Variants in DIPK2B observed in about 807,000 individuals in gnomAD.
DIPK2B encodes the protein divergent protein kinase domain 2B.
Under a neutral mutation model 22.2 loss-of-function variants are expected in DIPK2B, and 15 were observed. That is an observed-to-expected ratio of 0.68 (90% CI 0.45 to 1.04). The LOEUF is 1.04. DIPK2B is among the 50% of genes least tolerant of loss of function. DIPK2B has a pLI of 0.00. For synonymous variants in DIPK2B, 163 were observed against 153.2 expected, an observed-to-expected ratio of 1.06 and a Z score of -0.47; for missense variants, 345 against 348.3, an observed-to-expected ratio of 0.99 and a Z score of 0.08.
chrX:45,177,288 C>T (rs1285610007), intron 2 of DIPK2B, among the ~76,000 whole-genome samples: 1 of 107,303 alleles, frequency 9.3e-6, no homozygotes, highest in Non-Finnish European at 1.9e-5. Context: ...TCTTGGGTGA[C>T]AGAGCAAAAC....
In DIPK2B at chrX:45,153,555, A is replaced by AAG. The variant is rs1371925535; in HGVS notation, c.961+353_961+354dup. Among the ~76,000 whole-genome samples, 13 of 32,477 alleles carry AAG rather than the reference A, an allele frequency of 4.0e-4. No individual in the cohort carries two copies. In the South Asian group the frequency reaches 7.0e-3, roughly 17 times the overall value. The allele number at this position is 32,477 out of a possible 115,157, so 28.2% of individuals were successfully genotyped here. A position where few individuals can be genotyped will look rare whatever the true frequency, so the allele number is the denominator to read the frequency against. On this transcript the variant is annotated intron_variant, in intron 4 of 4. Transcript: ENST00000398000. ...GAGAGGAGAGAGAGAGAGAGTGAGA[A>AAG]AGAGAGAGAGAGAGAGAGAAAGGAG...
chrX:45,196,144 C>T (rs4335267), intron 1 of DIPK2B, among the ~76,000 whole-genome samples: 41,406 of 111,019 alleles, frequency 0.37, 5,466 homozygotes, highest in Admixed American at 0.51. Context: ...TAGTGCTCAA[C>T]ACTTTACAGG....
intron 2 of DIPK2B, among the ~76,000 whole-genome samples, chrX:45,179,522 A>C (rs2047137335): frequency 9.0e-6 from 1 of 111,553 alleles, no homozygotes; most frequent in South Asian, 3.7e-4. Flanking sequence ...AAATAGAGGA[A>C]AAGAGACAAA....
chrX:45,152,846 G>A (rs201152716), intron 4 of DIPK2B, among the ~76,000 whole-genome samples: 2 of 111,443 alleles, frequency 1.8e-5, no homozygotes, highest in South Asian at 3.8e-4. Context: ...CAGGAGAATC[G>A]CTTGAACCCG....
At position 45,164,319 on chromosome X, in the gene DIPK2B, G is replaced by A; in HGVS notation, c.499-6431C>T. The A allele has an allele frequency of 2.8e-6, 3 of 1,089,417 alleles. No homozygotes were observed. In the South Asian group the frequency reaches 6.4e-5, roughly 23 times the overall value. The allele number at this position is 1,089,417 out of a possible 1,213,427, so 89.8% of individuals were successfully genotyped here. On this transcript the variant is annotated intron_variant, in intron 2 of 4. Transcript: ENST00000398000. The stretch of plus-strand genomic sequence containing the variant: ...TGTGGAAAATGTGACATTAATTTTC[G>A]CAGCTCTGGCTGTTAAATGCAAATG...
intron 2 of DIPK2B, among the ~76,000 whole-genome samples, chrX:45,183,734 C>T (rs1306018291): frequency 9.0e-6 from 1 of 111,529 alleles, no homozygotes; most frequent in Non-Finnish European, 1.9e-5. Context: ...CATGAGACCC[C>T]TATAAAACAA....
chrX:45,188,995 A>T (rs1314021981), intron 2 of DIPK2B, among the ~76,000 whole-genome samples: 1 of 112,461 alleles, frequency 8.9e-6, no homozygotes, highest in Non-Finnish European at 1.9e-5. Flanking sequence ...TGGTTGACGA[A>T]CAACATTTGG....
At chrX:45,188,563 T>G (rs1160812591) in intron 2 of DIPK2B, among the ~76,000 whole-genome samples, 1 of 112,524 alleles carries the variant, frequency 8.9e-6, no homozygotes, top group African/African-American at 3.2e-5. Context: ...GGCTTATTCT[T>G]TTTAAAATTG....
chrX:45,179,567 A>T (rs892817602), intron 2 of DIPK2B, among the ~76,000 whole-genome samples: 1 of 111,661 alleles, frequency 9.0e-6, no homozygotes, highest in Non-Finnish European at 1.9e-5. Context: ...AGAAAGTTGG[A>T]ATCTATAAAA....
At chrX:45,170,424 C>T (rs1027813934) in intron 2 of DIPK2B, among the ~76,000 whole-genome samples, 1 of 111,715 alleles carries the variant, frequency 9.0e-6, no homozygotes, top group African/African-American at 3.3e-5. Context: ...AGCTTGCCTT[C>T]GTGCAGAGAG....
intron 2 of DIPK2B, among the ~76,000 whole-genome samples, chrX:45,172,936 C>A (rs1174960526): frequency 1.8e-5 from 2 of 111,553 alleles, no homozygotes; most frequent in East Asian, 5.7e-4. Context: ...TTCTGCTGTG[C>A]AAAGCTCCTG....
chrX:45,196,969 T>C (rs1368966179), intron 1 of DIPK2B, among the ~76,000 whole-genome samples: 1 of 112,040 alleles, frequency 8.9e-6, no homozygotes, highest in Non-Finnish European at 1.9e-5. Context: ...CTTAGCATTC[T>C]TGCCAAAGGA....
At chrX:45,175,271 T>C (rs1156678395) in intron 2 of DIPK2B, among the ~76,000 whole-genome samples, 1 of 111,565 alleles carries the variant, frequency 9.0e-6, no homozygotes, top group East Asian at 2.8e-4. Flanking sequence ...ATCAAAGCAT[T>C]ATTTATGATA....
At chrX:45,199,968 G>C (rs1301084732) in intron 1 of DIPK2B, among the ~76,000 whole-genome samples, 1 of 112,275 alleles carries the variant, frequency 8.9e-6, no homozygotes, top group Non-Finnish European at 1.9e-5. Flanking sequence ...CAGAAAGCTG[G>C]CTCAGAAACT....
intron 3 of DIPK2B, among the ~76,000 whole-genome samples, chrX:45,157,008 T>G (rs1025735410): frequency 9.2e-6 from 1 of 108,963 alleles, no homozygotes. Context: ...TCTTCCCTCT[T>G]TCTCACTCTA....
At chrX:45,165,487 GAA>G (rs776524396) in intron 2 of DIPK2B, among the ~76,000 whole-genome samples, 1 of 111,008 alleles carries the variant, frequency 9.0e-6, no homozygotes, top group Non-Finnish European at 1.9e-5. Flanking sequence ...TGAGCAGAAA[GAA>G]GAATCAGGAG....
chrX:45,194,832 G>A (rs2047230557), intron 1 of DIPK2B, among the ~76,000 whole-genome samples: 1 of 112,335 alleles, frequency 8.9e-6, no homozygotes, highest in South Asian at 3.7e-4. Context: ...AGGAGGGCAG[G>A]TCTCAGGGCT....
chrX:45,168,728 C>T (rs996459097), intron 2 of DIPK2B, among the ~76,000 whole-genome samples: 7 of 111,985 alleles, frequency 6.3e-5, no homozygotes, highest in Non-Finnish European at 9.4e-5. Flanking sequence ...ATGTCTTCTC[C>T]GTGTCTCCCC....
intron 2 of DIPK2B, among the ~76,000 whole-genome samples, chrX:45,181,409 T>G (rs1345147570): frequency 3.6e-5 from 4 of 112,144 alleles, no homozygotes; most frequent in African/African-American, 1.3e-4. Context: ...TAATGCAATA[T>G]TGAAGAAGGA....
Sources: gnomAD v4.1 joint callset for allele counts (sites outside exome capture counted in the v4.1 genomes callset) on GRCh38, gnomAD v4.1.1 for gene constraint, MANE v1.5 for transcripts, NCBI Gene and HGNC (gene_info 2026-07-23, HGNC 2026-07-21) for gene names.